NBEAL1: variants seen among roughly 807,000 people sequenced by gnomAD.
NBEAL1 encodes the protein neurobeachin-like protein 1.
A neutral mutation model predicts 351.3 loss-of-function variants in NBEAL1; 273 were observed. The observed-to-expected ratio is 0.78, with a 90% CI of 0.70 to 0.86. NBEAL1 has a LOEUF of 0.86. Among genes scored for constraint, NBEAL1 ranks in the 40% least tolerant of loss-of-function variants. NBEAL1 has a pLI of 0.00. For synonymous variants in NBEAL1, 1,050 were observed against 1,086.4 expected, an observed-to-expected ratio of 0.97 and a Z score of 0.66; for missense variants, 2,961 against 3,201.3, an observed-to-expected ratio of 0.92 and a Z score of 1.81.
At chr2:203,041,112 T>G (rs952770071) in intron 2 of NBEAL1, among the ~76,000 whole-genome samples, 1 of 152,220 alleles carries the variant, frequency 6.6e-6, no homozygotes, top group African/African-American at 2.4e-5. Context: ...TATTGGCTGC[T>G]GCCTCGTCAG....
At chr2:203,123,362 A>T (rs2062870544) in intron 19 of NBEAL1, among the ~76,000 whole-genome samples, 1 of 141,910 alleles carries the variant, frequency 7.0e-6, no homozygotes, top group Non-Finnish European at 1.5e-5. Context: ...TTTTTGAGGC[A>T]GAGTTTTGCT....
chr2:203,086,629 G>A (rs2061965745), intron 10 of NBEAL1, among the ~76,000 whole-genome samples: 3 of 152,234 alleles, frequency 2.0e-5, no homozygotes, highest in Middle Eastern at 3.4e-3. Context: ...CTGCCTCCTG[G>A]GTTCAAGCGA....
At chr2:203,093,086 G>A (rs894444813) in intron 10 of NBEAL1, among the ~76,000 whole-genome samples, 2 of 151,834 alleles carry the variant, frequency 1.3e-5, no homozygotes, top group Non-Finnish European at 2.9e-5. Flanking sequence ...TAAAAAATTA[G>A]CCAGCCGTGG....
chr2:203,159,771 T>A (rs2063896845), intron 36 of NBEAL1, among the ~76,000 whole-genome samples: 1 of 152,198 alleles, frequency 6.6e-6, no homozygotes, highest in South Asian at 2.1e-4. Context: ...AATAGTTAGA[T>A]CATATGATAA....
chr2:203,179,682 C>G (rs2064640090), intron 42 of NBEAL1, among the ~76,000 whole-genome samples: 1 of 151,960 alleles, frequency 6.6e-6, no homozygotes, highest in Non-Finnish European at 1.5e-5. Context: ...ATCTATTAAC[C>G]AAGTATATTG....
At chr2:203,049,358 A>G (rs2061285864) in intron 3 of NBEAL1, among the ~76,000 whole-genome samples, 1 of 152,194 alleles carries the variant, frequency 6.6e-6, no homozygotes, top group Non-Finnish European at 1.5e-5. Flanking sequence ...CACCTGGCCA[A>G]CAGTTGACAT....
In NBEAL1 at chr2:203,193,875, T is replaced by G. The variant is rs1162675952; in HGVS notation, c.7002T>G (p.Phe2334Leu). ...TKIDTSTLNL[F>L]QHLPELKSFF... is the part of the protein sequence containing the mutation. ...TAGACACTTCAACCCTAAACCTGTTTCAACACCTTCCTGAACTCAAGTCAT... is the reference window on the plus strand; with the variant it reads ...TAGACACTTCAACCCTAAACCTGTTGCAACACCTTCCTGAACTCAAGTCAT... The change falls in exon 47 of 56, where the codon TTT (phenylalanine) becomes TTG (leucine). Residue 2334 changes from phenylalanine (F) to leucine (L), a missense_variant. By Grantham distance (22) the Phe-to-Leu change is conservative (BLOSUM62 0). Transcript: ENST00000683969. 5 of 1,609,956 alleles carry G rather than the reference T, an allele frequency of 3.1e-6. No homozygotes were observed. Among genetic ancestry groups the G allele is most frequent in the Non-Finnish European group, 4.2e-6 (5 of 1,177,706 alleles).
chr2:203,167,394 C>A (rs749746966), intron 38 of NBEAL1, 34 bp downstream of exon 38: 1 of 1,556,792 alleles, frequency 6.4e-7, no homozygotes. Context: ...TCCCAAAATG[C>A]TAGCTTTAAA....
intron 17 of NBEAL1, among the ~76,000 whole-genome samples, chr2:203,115,475 G>A (rs1260657605): frequency 6.6e-6 from 1 of 152,046 alleles, no homozygotes; most frequent in African/African-American, 2.4e-5. Context: ...TCACTCTGTT[G>A]CTGAGGACAG....
chr2:203,211,476 C>T (rs1467617312), intron 54 of NBEAL1, among the ~76,000 whole-genome samples: 1 of 151,970 alleles, frequency 6.6e-6, no homozygotes, highest in Non-Finnish European at 1.5e-5. Flanking sequence ...CTCATCTCTA[C>T]TAAAAATAAA....
chr2:203,215,133 G>T (rs181889744), intron 55 of NBEAL1, among the ~76,000 whole-genome samples: 1 of 152,060 alleles, frequency 6.6e-6, no homozygotes, highest in South Asian at 2.1e-4. Flanking sequence ...CAAGGCGGGC[G>T]GATCATGAGG....
intron 37 of NBEAL1, 34 bp downstream of exon 37, chr2:203,166,331 T>C (rs1289395002): frequency 1.3e-6 from 2 of 1,576,226 alleles, no homozygotes; most frequent in Admixed American, 1.9e-5. Flanking sequence ...TTTTTGCTGT[T>C]CAATAATTAA....
chr2:203,130,372 G>A lies in NBEAL1; in HGVS notation c.3460G>A (p.Gly1154Ser). The part of the protein sequence containing the change: ...FSLLRTSPTR[G>S]QLFLLLFEPG... The stretch of plus-strand genomic sequence containing the variant: ...TCTCCTACGTACCAGCCCAACCAGA[G>A]GTCAGCTTTTCTTACTGCTTTTTGA... Residue 1154 changes from glycine to serine, a missense_variant, in exon 25 of 56, where the codon GGT becomes AGT. Transcript: ENST00000683969. 1.3e-6 allele frequency: 2 copies of A among 1,532,200 alleles called. No homozygotes were observed. The highest frequency in any genetic ancestry group is 1.7e-4 in the Middle Eastern group (1 of 5,958). 94.9% of individuals were successfully genotyped at this position (1,532,200 alleles called of 1,614,324 possible).
chr2:203,014,684 G>C (rs1460254751), upstream of NBEAL1: 1 of 152,352 alleles, frequency 6.6e-6, no homozygotes, highest in Non-Finnish European at 1.5e-5. Context: ...TGGGCAGCCA[G>C]AGCCTGTCGA....
intron 41 of NBEAL1, among the ~76,000 whole-genome samples, chr2:203,174,823 G>A (rs1056518492): frequency 2.2e-4 from 33 of 150,956 alleles, no homozygotes; most frequent in African/African-American, 5.8e-4. Flanking sequence ...CCCAGGAGGC[G>A]GAGCTTGCAG....
At chr2:203,099,887 C>T (rs1279024360) in intron 12 of NBEAL1, among the ~76,000 whole-genome samples, 175 bp downstream of exon 12, 8 of 152,078 alleles carry the variant, frequency 5.3e-5, no homozygotes, top group South Asian at 2.1e-4. Context: ...TCAATCTTCC[C>T]GCTCCTCCTT....
chr2:203,163,510 A>C (rs2064033084), intron 36 of NBEAL1, among the ~76,000 whole-genome samples: 1 of 151,962 alleles, frequency 6.6e-6, no homozygotes, highest in Non-Finnish European at 1.5e-5. Flanking sequence ...TATAACCCTC[A>C]CCCCAAAAAG....
At chr2:203,139,300 GA>G (rs1165559816) in intron 31 of NBEAL1, among the ~76,000 whole-genome samples, 1 of 151,992 alleles carries the variant, frequency 6.6e-6, no homozygotes, top group African/African-American at 2.4e-5. Context: ...GGAAAAGGCT[GA>G]AAAAGTTTGA....
Position 203,135,759 on chromosome 2 carries a change from T to G in NBEAL1, c.3896T>G (p.Leu1299Arg), listed in dbSNP as rs766352509. 6.3e-7 allele frequency: 1 copy of G among 1,597,048 alleles called. No homozygotes were observed. The highest frequency in any genetic ancestry group is 8.5e-7 in the Non-Finnish European group (1 of 1,170,922). ...GGTTGGCAAGACACCTTAGTTAGGC[T>G]TTTTTTAAAAGCAAAATTTGAAAAC... ...QVGWQDTLVR[L>R]FLKAKFENGN... Residue 1299 changes from leucine (L) to arginine (R), a missense_variant, in exon 28 of 56, where the codon CTT (leucine) becomes CGT (arginine). Leu to Arg is a moderately radical substitution (Grantham distance 102, BLOSUM62 -2). Coordinates refer to ENST00000683969, the MANE Select transcript of NBEAL1 (RefSeq NM_001378026.1).
Sources: allele counts gnomAD v4.1 joint callset (sites outside exome capture counted in the v4.1 genomes callset), GRCh38; gene constraint gnomAD v4.1.1; transcripts MANE v1.5; gene names NCBI Gene and HGNC (gene_info 2026-07-23, HGNC 2026-07-21).